Variants in VPS13D observed in about 807,000 individuals in gnomAD.
The protein encoded by VPS13D is intermembrane lipid transfer protein VPS13D.
VPS13D carries 187 observed loss-of-function variants against 461.9 expected under a neutral mutation model. That is an observed-to-expected ratio of 0.40 (90% CI 0.36 to 0.46). The LOEUF is 0.46. Among genes scored for constraint, VPS13D ranks in the 20% least tolerant of loss-of-function variants. The pLI is 0.60. For missense variants in VPS13D, 4,711 were observed against 5,364.9 expected, an observed-to-expected ratio of 0.88 and a Z score of 3.81; for synonymous variants, 1,951 against 1,986.3, an observed-to-expected ratio of 0.98 and a Z score of 0.47.
Position 12,501,168 on chromosome 1 carries a change from A to G in VPS13D, c.12794+3537A>G, listed in dbSNP as rs1416323173. ...TAAACATGCTGTTTACGATTTTTGT[A>G]TCTTGTCTCCTTGAGAAATTTCACA... is the stretch of plus-strand genomic sequence containing the variant. On this transcript the variant is annotated intron_variant, in intron 68 of 69. Coordinates refer to ENST00000620676, the MANE Select transcript of VPS13D (RefSeq NM_015378.4). Among the ~76,000 whole-genome samples the G allele has an allele frequency of 2.0e-5, 3 of 152,144 alleles. No individual in the cohort carries two copies. The South Asian group carries it at 6.2e-4, about 32-fold the overall frequency.
chr1:12,296,657 GT>G (rs751969061), intron 24 of VPS13D, among the ~76,000 whole-genome samples: 3 of 150,946 alleles, frequency 2.0e-5, no homozygotes, highest in East Asian at 1.9e-4. Context: ...CAGAAGTGAA[GT>G]TTTTTTTTCA....
At position 12,283,608 on chromosome 1, in the gene VPS13D, G is replaced by A. The variant is rs771991655; in HGVS notation, c.5506G>A (p.Gly1836Ser). The A allele has an allele frequency of 1.2e-5, 19 of 1,613,968 alleles. No individual in the cohort carries two copies. Among genetic ancestry groups the A allele is most frequent in the East Asian group, 6.7e-5 (3 of 44,896 alleles). Residue 1836 changes from glycine (G) to serine (S), a missense_variant, in exon 21 of 70, where the codon GGC (glycine) becomes AGC (serine). Gly to Ser is a moderately conservative substitution (Grantham distance 56). Around this residue, in one of 3 missense-constraint regions of VPS13D, gnomAD observed 4,411 missense variants for 4,937.8 expected, o/e 0.89. Coordinates refer to ENST00000620676, the MANE Select transcript of VPS13D (RefSeq NM_015378.4). ...TGTGATATTAGACTTTTTTGGAATC[G>A]GCTCCACTGCAGACAACCACGCAAT... is the stretch of plus-strand genomic sequence containing the variant. ...WVVILDFFGI[G>S]STADNHAMRL... is the part of the protein sequence containing the mutation.
intron 23 of VPS13D, 66 bp from the exon 24 acceptor site, chr1:12,293,458 A>T: frequency 6.8e-7 from 1 of 1,465,406 alleles, no homozygotes; most frequent in Non-Finnish European, 9.1e-7. Flanking sequence ...AACCAACCTG[A>T]GTTTTCTTGA....
In VPS13D at chr1:12,478,611, G is replaced by A. The variant is rs1399908342; in HGVS notation, c.12662+18215G>A. 2.8e-5 allele frequency: 10 copies of A among 354,500 alleles called. 1 individual carries two copies. The East Asian group carries it at 7.4e-4, about 26-fold the overall frequency. 22.0% of individuals were successfully genotyped at this position (354,500 alleles called of 1,614,324 possible). A position where few individuals can be genotyped will look rare whatever the true frequency, so the allele number is the denominator to read the frequency against. On this transcript the variant is annotated intron_variant, in intron 67 of 69. Transcript: ENST00000620676. ...GAACTTGCCCATCTGAGGTCATAAA[G>A]GAAAGCCTGCACGTTTCTTTTCTTC... is the stretch of plus-strand genomic sequence containing the variant.
At position 12,385,263 on chromosome 1, in the gene VPS13D, A is replaced by G. The variant is rs758368732; in HGVS notation, c.11374A>G (p.Thr3792Ala). The change falls in exon 59 of 70, where the codon ACA (threonine) becomes GCA (alanine). Residue 3792 changes from threonine to alanine, a missense_variant. Thr to Ala is a moderately conservative substitution (Grantham distance 58, BLOSUM62 0). This residue lies in a region of VPS13D where 4,411 missense variants were observed against 4,937.8 expected (regional missense o/e 0.89). Transcript: ENST00000620676. ...PDGPTRALQI[T>A]DFCHRKSSRS... ...GTGGTGTTTTATTTGACTTCAGATA[A>G]CAGATTTCTGCCACCGGAAAAGCAG... 44 of 1,613,288 alleles carry G rather than the reference A, an allele frequency of 2.7e-5. No individual in the cohort carries two copies. Among genetic ancestry groups the G allele is most frequent in the Non-Finnish European group, 3.6e-5 (43 of 1,179,512 alleles).
At chr1:12,260,914 A>G in intron 11 of VPS13D, 34 bp from the exon 12 acceptor site, 2 of 1,613,778 alleles carry the variant, frequency 1.2e-6, no homozygotes, top group Non-Finnish European at 1.7e-6. Flanking sequence ...TTTATCTTTG[A>G]GTACTCATCT....
chr1:12,322,828 C>A, intron 34 of VPS13D, 82 bp downstream of exon 34: 1 of 1,159,002 alleles, frequency 8.6e-7, no homozygotes, highest in Non-Finnish European at 1.2e-6. Flanking sequence ...TTTTGCACAA[C>A]TAAATTGTAC....
chr1:12,480,030 C>T (rs570518026), intron 67 of VPS13D, among the ~76,000 whole-genome samples: 1 of 152,260 alleles, frequency 6.6e-6, no homozygotes, highest in East Asian at 1.9e-4. Flanking sequence ...ATGGAGAGAC[C>T]CTGGCCTTTT....
intron 43 of VPS13D, among the ~76,000 whole-genome samples, chr1:12,346,289 A>C (rs930253877): frequency 2.0e-5 from 3 of 152,180 alleles, no homozygotes; most frequent in Non-Finnish European, 2.9e-5. Context: ...AAAAACAAAA[A>C]CAAAAACAAA....
intron 65 of VPS13D, among the ~76,000 whole-genome samples, chr1:12,418,242 G>C (rs1644820721): frequency 6.6e-6 from 1 of 152,186 alleles, no homozygotes; most frequent in Non-Finnish European, 1.5e-5. Context: ...TCCCACTCAT[G>C]GTTTGAAAGT....
Position 12,279,367 on chromosome 1 carries a change from G to C in VPS13D, c.4451-132G>C. 1 of 995,916 alleles carries C rather than the reference G, an allele frequency of 1.0e-6. No individual in the cohort carries two copies. The highest frequency in any genetic ancestry group is 1.4e-6 in the Non-Finnish European group (1 of 729,440). The allele number at this position is 995,916 out of a possible 1,614,324, so 61.7% of individuals were successfully genotyped here. On this transcript the variant is annotated intron_variant, in intron 19 of 69. Coordinates refer to ENST00000620676, the MANE Select transcript of VPS13D (RefSeq NM_015378.4). This position sits in a 1 kb window ranked among gnomAD's most constrained non-coding sequence, Gnocchi z 4.3. The stretch of plus-strand genomic sequence containing the variant: ...GGTTTGCTCTCAATCATAGACCCCG[G>C]GTGCCAGGCTAACCTGCCCTCCTGG...
chr1:12,354,307 T>G, intron 47 of VPS13D, 86 bp downstream of exon 47: 2 of 1,488,536 alleles, frequency 1.3e-6, no homozygotes, highest in Non-Finnish European at 1.8e-6. Context: ...GTAAGCATCT[T>G]GGAGAAATTG....
At chr1:12,355,770 C>T (rs1317388404) in intron 47 of VPS13D, 129 bp from the exon 48 acceptor site, 1 of 942,988 alleles carries the variant, frequency 1.1e-6, no homozygotes, top group African/African-American at 1.7e-5. Context: ...AAGAGCCATT[C>T]TAATGAAGAT....
At chr1:12,387,256 A>G (rs1272453152) in intron 60 of VPS13D, among the ~76,000 whole-genome samples, 1 of 152,224 alleles carries the variant, frequency 6.6e-6, no homozygotes, top group Non-Finnish European at 1.5e-5. Context: ...TAGACTGCCT[A>G]AGAAATCATA....
chr1:12,281,232 C>T (rs79577092), intron 20 of VPS13D, among the ~76,000 whole-genome samples: 5,263 of 152,060 alleles, frequency 0.035, 306 homozygotes, highest in African/African-American at 0.12. Context: ...ACTATCTAGT[C>T]GATTTTCAGA....
At chr1:12,253,868 A>G in intron 7 of VPS13D, 42 bp downstream of exon 7, 1 of 1,556,750 alleles carries the variant, frequency 6.4e-7, no homozygotes. Context: ...ACAGCATGGA[A>G]GGGAAGCGGC....
In VPS13D at chr1:12,268,742, A is replaced by G. The variant is rs1037361257; in HGVS notation, c.1838A>G (p.Tyr613Cys). 2.5e-5 allele frequency: 40 copies of G among 1,614,050 alleles called. No homozygotes were observed. Among genetic ancestry groups the G allele is most frequent in the Non-Finnish European group, 3.3e-5 (39 of 1,179,986 alleles). ...GATGGCCCCGTTTTTGAGATGCTGT[A>G]TGAGAGAAATCCGGCGCACAGCCAC... is the stretch of plus-strand genomic sequence containing the variant. The part of the protein sequence containing the change: ...DPDGPVFEML[Y>C]ERNPAHSHFE... The change falls in exon 16 of 70, where the codon TAT (tyrosine) becomes TGT (cysteine). Residue 613 changes from tyrosine to cysteine, a missense_variant. By Grantham distance (194) the Tyr-to-Cys change is radical (BLOSUM62 -2). Transcript: ENST00000620676.
intron 69 of VPS13D, among the ~76,000 whole-genome samples, chr1:12,508,513 G>A (rs979184114): frequency 2.0e-5 from 3 of 148,334 alleles, no homozygotes; most frequent in Non-Finnish European, 3.0e-5. Context: ...AGACCATCCT[G>A]GCTAACACGG....
intron 61 of VPS13D, 65 bp from the exon 62 acceptor site, chr1:12,401,543 T>C: frequency 1.5e-6 from 2 of 1,298,304 alleles, no homozygotes; most frequent in Non-Finnish European, 2.2e-6. Context: ...TGAGGCCTTC[T>C]TAATAGCACA....
Sources: gnomAD v4.1 joint callset for allele counts (sites outside exome capture counted in the v4.1 genomes callset) on GRCh38, gnomAD v4.1.1 for gene constraint, gnomAD v4.1.1 regional missense constraint, Gnocchi (gnomAD v3.1) non-coding constraint, MANE v1.5 for transcripts, NCBI Gene and HGNC (gene_info 2026-07-23, HGNC 2026-07-21) for gene names.